The following DYNC1I1 variants were observed in gnomAD, a reference collection of about 807,000 sequenced individuals.
DYNC1I1 encodes the protein dynein cytoplasmic 1 intermediate chain 1, also known as cytoplasmic dynein 1 intermediate chain 1.
In DYNC1I1, 43 loss-of-function variants were observed where a neutral mutation model predicts 86.6. That is an observed-to-expected ratio of 0.50 (90% CI 0.39 to 0.64). The LOEUF (loss-of-function observed/expected upper bound fraction) is 0.64. Among genes scored for constraint, DYNC1I1 ranks in the 30% least tolerant of loss-of-function variants. DYNC1I1 has a pLI of 0.00. For synonymous variants in DYNC1I1, 262 were observed against 283.7 expected (o/e 0.92, Z 0.77); for missense variants, 604 against 788.8 (o/e 0.77, Z 2.81).
chr7:96,062,974 C>T (rs1191602110), intron 14 of DYNC1I1, among the ~76,000 whole-genome samples: 1 of 152,006 alleles, frequency 6.6e-6, no homozygotes, highest in East Asian at 1.9e-4. Flanking sequence ...TTTCCACTCT[C>T]CATCCATATT....
At chr7:95,802,370 T>C (rs1161339257) in intron 1 of DYNC1I1, among the ~76,000 whole-genome samples, 1 of 152,234 alleles carries the variant, frequency 6.6e-6, no homozygotes, top group Non-Finnish European at 1.5e-5. Context: ...TCTCTACTTC[T>C]GTCTCCACAT....
intron 5 of DYNC1I1, among the ~76,000 whole-genome samples, chr7:95,860,328 G>A (rs1052732639): frequency 1.3e-5 from 2 of 152,064 alleles, no homozygotes; most frequent in East Asian, 1.9e-4. Context: ...TCCCACCCAC[G>A]TAAAAATAGT....
chr7:96,069,785 A>AT (rs1341515839), intron 14 of DYNC1I1, among the ~76,000 whole-genome samples: 1 of 152,216 alleles, frequency 6.6e-6, no homozygotes, highest in African/African-American at 2.4e-5. Flanking sequence ...GGATTCTTCC[A>AT]TGCAAATAAG....
chr7:95,895,959 G>A (rs1790872579), intron 6 of DYNC1I1, among the ~76,000 whole-genome samples: 1 of 152,192 alleles, frequency 6.6e-6, no homozygotes, highest in Non-Finnish European at 1.5e-5. Flanking sequence ...AGGGAGGCAA[G>A]AGAAACCATC....
chr7:95,904,741 C>A (rs1000458783), intron 6 of DYNC1I1, among the ~76,000 whole-genome samples: 1 of 152,090 alleles, frequency 6.6e-6, no homozygotes, highest in African/African-American at 2.4e-5. Flanking sequence ...ATCTTGAATT[C>A]TTGGAAAACT....
intron 12 of DYNC1I1, among the ~76,000 whole-genome samples, chr7:96,034,563 A>AG (rs1218529681): frequency 6.6e-6 from 1 of 152,162 alleles, no homozygotes; most frequent in African/African-American, 2.4e-5. Flanking sequence ...AAATGGGTAA[A>AG]GGGACTTTTC....
At chr7:95,830,806 A>T (rs976206049) in intron 5 of DYNC1I1, among the ~76,000 whole-genome samples, 3 of 152,262 alleles carry the variant, frequency 2.0e-5, no homozygotes, top group Non-Finnish European at 2.9e-5. Flanking sequence ...TGGTTTTACC[A>T]TTATGCATTC....
intron 10 of DYNC1I1, among the ~76,000 whole-genome samples, chr7:96,014,025 T>C (rs1438676389): frequency 3.3e-5 from 5 of 152,112 alleles, no homozygotes; most frequent in Non-Finnish European, 5.9e-5. Context: ...TCCTGTCCCT[T>C]CCCCACAACC....
At chr7:96,033,301 G>A (rs79834046) in intron 12 of DYNC1I1, among the ~76,000 whole-genome samples, 2 of 152,258 alleles carry the variant, frequency 1.3e-5, no homozygotes, top group East Asian at 1.9e-4. Context: ...CTCAGTAAAT[G>A]AGAAGTCAAA....
At chr7:95,879,198 A>G (rs1790386890) in intron 6 of DYNC1I1, among the ~76,000 whole-genome samples, 1 of 152,230 alleles carries the variant, frequency 6.6e-6, no homozygotes, top group African/African-American at 2.4e-5. Context: ...AAGATAGTAT[A>G]CATAAATATT....
In DYNC1I1 at chr7:96,097,652, C is replaced by T. The variant is rs1474008646; in HGVS notation, c.*59C>T. On this transcript the variant is annotated 3_prime_UTR_variant, in exon 17 of 17. Transcript: ENST00000447467. ...TTTGTGTCCTAGAGCTCAGCGTCTG[C>T]AGTCAAGTCTCTTGTATTCGGTGTC... is the stretch of plus-strand genomic sequence containing the variant. 6 of 1,604,468 alleles carry T rather than the reference C, an allele frequency of 3.7e-6. No homozygotes were observed. The Admixed American group carries it at 1.0e-4, about 27-fold the overall frequency.
chr7:96,091,568 A>T (rs1337876482), intron 16 of DYNC1I1, among the ~76,000 whole-genome samples: 1 of 152,232 alleles, frequency 6.6e-6, no homozygotes, highest in African/African-American at 2.4e-5. Context: ...TTTTAAAAAA[A>T]GAAAACTAAA....
intron 12 of DYNC1I1, among the ~76,000 whole-genome samples, 197 bp downstream of exon 12, chr7:96,032,977 T>C (rs1267287006): frequency 6.6e-6 from 1 of 152,256 alleles, no homozygotes; most frequent in Non-Finnish European, 1.5e-5. Flanking sequence ...AATCATGTAA[T>C]TATTGTAATA....
At chr7:95,800,937 C>G (rs1483319747) in intron 1 of DYNC1I1, among the ~76,000 whole-genome samples, 1 of 152,248 alleles carries the variant, frequency 6.6e-6, no homozygotes, top group Non-Finnish European at 1.5e-5. Context: ...GTGGGTCAGA[C>G]TAGCAAGCCC....
At chr7:95,917,221 T>TG (rs1554410399) in intron 6 of DYNC1I1, among the ~76,000 whole-genome samples, 3 of 152,120 alleles carry the variant, frequency 2.0e-5, no homozygotes, top group Admixed American at 1.3e-4. Context: ...GATTGTGGAC[T>TG]GGGGACGGGG....
chr7:95,920,036 C>T (rs748836202), intron 6 of DYNC1I1, among the ~76,000 whole-genome samples: 2 of 152,132 alleles, frequency 1.3e-5, no homozygotes, highest in African/African-American at 2.4e-5. Flanking sequence ...CATAGCTCCC[C>T]ACACCTGAAG....
chr7:96,049,559 G>T (rs1302303619), intron 14 of DYNC1I1, among the ~76,000 whole-genome samples: 1 of 152,078 alleles, frequency 6.6e-6, no homozygotes, highest in African/African-American at 2.4e-5. Context: ...ACAAGGCAAA[G>T]AAGTTTATAA....
intron 10 of DYNC1I1, among the ~76,000 whole-genome samples, chr7:96,007,343 A>G (rs1258755743): frequency 6.6e-6 from 1 of 152,240 alleles, no homozygotes; most frequent in Non-Finnish European, 1.5e-5. Context: ...GAGGGATCCA[A>G]CAGTGTTGAA....
At chr7:95,933,249 C>G (rs1205107402) in intron 6 of DYNC1I1, among the ~76,000 whole-genome samples, 1 of 152,194 alleles carries the variant, frequency 6.6e-6, no homozygotes, top group Non-Finnish European at 1.5e-5. Flanking sequence ...ATTAGAGTAG[C>G]TTCATTTGTG....
Sources: gnomAD v4.1 joint callset for allele counts (sites outside exome capture counted in the v4.1 genomes callset) on GRCh38, gnomAD v4.1.1 for gene constraint, MANE v1.5 for transcripts, NCBI Gene and HGNC (gene_info 2026-07-23, HGNC 2026-07-21) for gene names.